PXDNL: variants seen among roughly 807,000 people sequenced by gnomAD.
PXDNL encodes the protein probable oxidoreductase PXDNL.
Under a neutral mutation model 150.8 loss-of-function variants are expected in PXDNL, and 145 were observed. The ratio of observed to expected loss-of-function variants is 0.96; its 90% CI spans 0.84 to 1.10. PXDNL has a LOEUF of 1.10. Ranked by LOEUF, PXDNL falls within the 50% of genes least tolerant of loss-of-function variation. PXDNL has a pLI of 0.00. For missense variants in PXDNL, 2,087 were observed against 1,873.9 expected (o/e 1.11, Z -2.10); for synonymous variants, 757 against 725.7 (o/e 1.04, Z -0.69).
At chr8:51,749,330 C>T (rs559960630) in intron 1 of PXDNL, among the ~76,000 whole-genome samples, 1 of 152,266 alleles carries the variant, frequency 6.6e-6, no homozygotes, top group South Asian at 2.1e-4. Context: ...CAATGTTGTG[C>T]ACACATCATA....
At chr8:51,640,593 T>A (rs1215526946) in intron 2 of PXDNL, among the ~76,000 whole-genome samples, 1 of 152,098 alleles carries the variant, frequency 6.6e-6, no homozygotes, top group Non-Finnish European at 1.5e-5. Context: ...ATGAGTGAAC[T>A]CCCATTCACA....
rs1358456491 is a variant in PXDNL at position 51,705,830 on chromosome 8, TGTGCGCGCGC to T, written c.165-51080_165-51071del. Among the ~76,000 whole-genome samples, 497 of 57,682 alleles carry T rather than the reference TGTGCGCGCGC, an allele frequency of 8.6e-3. 4 individuals carry two copies. The highest frequency in any genetic ancestry group is 0.032 in the African/African-American group (441 of 13,580). 37.8% of individuals were successfully genotyped at this position (57,682 alleles called of 152,430 possible). On this transcript the variant is annotated intron_variant, in intron 1 of 22. Coordinates refer to ENST00000356297, the MANE Select transcript of PXDNL (RefSeq NM_144651.5). ...CACTGTGTGTGTGTGTGTGTGTGTG[TGTGCGCGCGC>T]GCGCGCGCGCGCGTGCATGCACATG...
intron 5 of PXDNL, among the ~76,000 whole-genome samples, chr8:51,487,214 T>A (rs1810786595): frequency 6.6e-6 from 1 of 152,078 alleles, no homozygotes; most frequent in African/African-American, 2.4e-5. Context: ...CAAAGACTTG[T>A]CTCCTTCCTG....
rs1385376787 is a variant in PXDNL at position 51,395,036 on chromosome 8, T to A, written c.3557+13031A>T. 2.0e-5 allele frequency among the ~76,000 whole-genome samples: 3 copies of A among 152,296 alleles called. No individual in the cohort carries two copies. In the East Asian group the frequency reaches 5.8e-4, roughly 29 times the overall value. Reference sequence around the variant, plus strand: ...AACCTGCTCAAAGGAAGGGAAAGGATGTGTCATGGGTCTGTATTTGCTGAG... The same window carrying A: ...AACCTGCTCAAAGGAAGGGAAAGGAAGTGTCATGGGTCTGTATTTGCTGAG... On this transcript the variant is annotated intron_variant, in intron 17 of 22. Coordinates refer to ENST00000356297, the MANE Select transcript of PXDNL (RefSeq NM_144651.5).
At chr8:51,443,627 A>T (rs1028587740) in intron 12 of PXDNL, among the ~76,000 whole-genome samples, 1 of 152,242 alleles carries the variant, frequency 6.6e-6, no homozygotes, top group African/African-American at 2.4e-5. Flanking sequence ...GCATTTTTAA[A>T]TAACATGTTT....
intron 4 of PXDNL, among the ~76,000 whole-genome samples, chr8:51,555,254 A>G (rs566224986): frequency 6.6e-6 from 1 of 152,292 alleles, no homozygotes; most frequent in African/African-American, 2.4e-5. Flanking sequence ...TTGTCCTTTT[A>G]TAAGGAACCC....
intron 19 of PXDNL, among the ~76,000 whole-genome samples, chr8:51,365,271 A>C (rs1322284796): frequency 6.6e-6 from 1 of 152,178 alleles, no homozygotes; most frequent in Non-Finnish European, 1.5e-5. Flanking sequence ...CTCCTTTGAA[A>C]GTTGTGCTAA....
intron 1 of PXDNL, among the ~76,000 whole-genome samples, chr8:51,742,860 C>A (rs1439412564): frequency 1.3e-5 from 2 of 152,044 alleles, no homozygotes; most frequent in Admixed American, 1.3e-4. Flanking sequence ...AAGCACTTGG[C>A]AGATACTGTA....
At chr8:51,344,801 A>G (rs1456205895) in intron 20 of PXDNL, among the ~76,000 whole-genome samples, 1 of 152,212 alleles carries the variant, frequency 6.6e-6, no homozygotes, top group East Asian at 1.9e-4. Context: ...ATAATCCTGT[A>G]AAGTAGGTAT....
At chr8:51,490,896 T>C (rs9942813) in intron 5 of PXDNL, among the ~76,000 whole-genome samples, 2,093 of 152,098 alleles carry the variant, frequency 0.014, 50 homozygotes, top group African/African-American at 0.047. Flanking sequence ...GTTAATTTGA[T>C]TGGATTGAAG....
At chr8:51,404,269 G>A (rs1449322408) in intron 17 of PXDNL, among the ~76,000 whole-genome samples, 1 of 152,228 alleles carries the variant, frequency 6.6e-6, no homozygotes, top group Non-Finnish European at 1.5e-5. Flanking sequence ...GGCTCAGGCA[G>A]CCTGCTTTTA....
At chr8:51,334,006 A>G (rs1457886663) in intron 21 of PXDNL, among the ~76,000 whole-genome samples, 2 of 152,176 alleles carry the variant, frequency 1.3e-5, no homozygotes, top group Non-Finnish European at 1.5e-5. Context: ...TTCAACAACC[A>G]TAGAATACAC....
intron 21 of PXDNL, among the ~76,000 whole-genome samples, chr8:51,323,068 T>C (rs1805377002): frequency 6.6e-6 from 1 of 152,120 alleles, no homozygotes; most frequent in Non-Finnish European, 1.5e-5. Flanking sequence ...AGTGGGGTCA[T>C]GGGTTTGAAG....
chr8:51,498,432 A>T (rs1011269964), intron 5 of PXDNL, among the ~76,000 whole-genome samples: 3 of 135,766 alleles, frequency 2.2e-5, no homozygotes, highest in Admixed American at 2.2e-4. Context: ...AAAGTATAAT[A>T]AAAAAATTAA....
chr8:51,737,186 A>T (rs75494272), intron 1 of PXDNL, among the ~76,000 whole-genome samples: 3,861 of 152,260 alleles, frequency 0.025, 164 homozygotes, highest in African/African-American at 0.087. Context: ...CATTTCTCTC[A>T]TTTGAAAAAG....
chr8:51,720,430 AT>A (rs1323508342), intron 1 of PXDNL, among the ~76,000 whole-genome samples: 3 of 152,178 alleles, frequency 2.0e-5, no homozygotes, highest in Non-Finnish European at 4.4e-5. Flanking sequence ...AATAGATACT[AT>A]TTATAAATCA....
intron 1 of PXDNL, among the ~76,000 whole-genome samples, chr8:51,727,057 T>A (rs546844423): frequency 6.6e-6 from 1 of 152,212 alleles, no homozygotes; most frequent in Non-Finnish European, 1.5e-5. Flanking sequence ...GTCTAACTAC[T>A]CCATTTGTAC....
intron 1 of PXDNL, among the ~76,000 whole-genome samples, chr8:51,700,191 ACAC>A (rs1816223624): frequency 4.3e-5 from 5 of 116,164 alleles, no homozygotes; most frequent in South Asian, 5.0e-4. Flanking sequence ...ACACACACAC[ACAC>A]ACCATCACAC....
chr8:51,425,306 T>C (rs1050009335), intron 13 of PXDNL, among the ~76,000 whole-genome samples: 2 of 152,154 alleles, frequency 1.3e-5, no homozygotes, highest in African/African-American at 2.4e-5. Flanking sequence ...GTAAATGTGA[T>C]AGTGTGTGTA....
Sources: gnomAD v4.1 joint callset for allele counts (sites outside exome capture counted in the v4.1 genomes callset) on GRCh38, gnomAD v4.1.1 for gene constraint, MANE v1.5 for transcripts, NCBI Gene and HGNC (gene_info 2026-07-23, HGNC 2026-07-21) for gene names.